NOL4L: variants seen among roughly 807,000 people sequenced by gnomAD.
NOL4L encodes nucleolar protein 4-like.
A neutral mutation model predicts 64.5 loss-of-function variants in NOL4L; 7 were observed. That is an observed-to-expected ratio of 0.11 (90% CI 0.06 to 0.20). NOL4L has a LOEUF of 0.20. Ranked by LOEUF, NOL4L falls within the 10% of genes least tolerant of loss-of-function variation. The pLI is 1.00. For missense variants in NOL4L, 680 were observed against 967.1 expected, an observed-to-expected ratio of 0.70 and a Z score of 3.94; for synonymous variants, 413 against 401.0, an observed-to-expected ratio of 1.03 and a Z score of -0.36.
At position 32,453,576 on chromosome 20, in the gene NOL4L, G is replaced by A. The variant is rs202195209; in HGVS notation, c.1305C>T (p.Asn435=). ...GMDPERLKAF[N]MFVRLFVDEN... ...CCACCTGTTTCCGGCCGGTGCTCAC[G>A]TTGAAGGCCTTAAGACGCTCAGGGT... The change falls in exon 7 of 11, where the codon AAC becomes AAT. Residue 435 remains asparagine (N), a splice_region_variant and synonymous_variant. Coordinates refer to ENST00000621426, the MANE Select transcript of NOL4L (RefSeq NM_001256798.2). This position sits in a 1 kb window ranked among gnomAD's most constrained non-coding sequence, Gnocchi z 5.6. 2.2e-5 allele frequency: 36 copies of A among 1,613,958 alleles called. No individual in the cohort carries two copies. In the Admixed American group the frequency reaches 2.8e-4, roughly 13 times the overall value.
chr20:32,565,394 C>T (rs1402177921), intron 1 of NOL4L, among the ~76,000 whole-genome samples: 1 of 152,234 alleles, frequency 6.6e-6, no homozygotes, highest in Non-Finnish European at 1.5e-5. Context: ...CCTTACAAAA[C>T]CTGGTCGGGG....
Position 32,453,819 on chromosome 20 carries a change from G to T in NOL4L, c.1120-58C>A, listed in dbSNP as rs1432389413. 16 of 1,509,060 alleles carry T rather than the reference G, an allele frequency of 1.1e-5. No homozygotes were observed. In the South Asian group the frequency reaches 1.8e-4, roughly 17 times the overall value. The allele number at this position is 1,509,060 out of a possible 1,614,324, so 93.5% of individuals were successfully genotyped here. ...CAAGCAGCTGCTCAAGCCCTTGCTG[G>T]GTCTCCTACAGGCGGTGAGCTTGGG... On this transcript the variant is annotated intron_variant, in intron 6 of 10. Coordinates refer to ENST00000621426, the MANE Select transcript of NOL4L (RefSeq NM_001256798.2). This position sits in a 1 kb window ranked among gnomAD's most constrained non-coding sequence, Gnocchi z 5.6.
Position 32,487,035 on chromosome 20 carries a change from G to A in NOL4L, c.700-12293C>T, listed in dbSNP as rs371615846. 4.4e-4 allele frequency among the ~76,000 whole-genome samples: 67 copies of A among 152,256 alleles called. No homozygotes were observed. The East Asian group carries it at 0.01, about 24-fold the overall frequency. On this transcript the variant is annotated intron_variant, in intron 4 of 10. Transcript: ENST00000621426. ...TGTAATCCCAGCACTTTGGGAGGCC[G>A]AGGCGGGTGGATCACCTGAGGTCAG...
chr20:32,523,275 A>AGCCCT (rs972807906), intron 2 of NOL4L, among the ~76,000 whole-genome samples: 4 of 152,150 alleles, frequency 2.6e-5, no homozygotes, highest in African/African-American at 9.7e-5. Context: ...CAGGGAGGGA[A>AGCCCT]GCCCTGCCCC....
chr20:32,521,438 C>T (rs1568683390), intron 2 of NOL4L, among the ~76,000 whole-genome samples: 1 of 152,160 alleles, frequency 6.6e-6, no homozygotes, highest in Non-Finnish European at 1.5e-5. Flanking sequence ...AGGCATCAGA[C>T]TTTTCAAACT....
intron 1 of NOL4L, among the ~76,000 whole-genome samples, chr20:32,528,456 C>T (rs1035974999): frequency 1.1e-4 from 16 of 152,180 alleles, no homozygotes; most frequent in Admixed American, 4.6e-4. Context: ...GCGCCAGCAA[C>T]GGCACCCGGG....
intron 4 of NOL4L, among the ~76,000 whole-genome samples, chr20:32,499,879 C>T (rs1170951970): frequency 6.6e-6 from 1 of 150,588 alleles, no homozygotes; most frequent in Admixed American, 6.6e-5. Context: ...AAAGTTTTCA[C>T]ACTTAAAACA....
intron 4 of NOL4L, among the ~76,000 whole-genome samples, chr20:32,485,085 A>AAAAAAAAAAAAAAAAAAC (rs1568643237): frequency 2.8e-5 from 4 of 144,412 alleles, no homozygotes; most frequent in South Asian, 2.2e-4. Context: ...AAAAAAAAAA[A>AAAAAAAAAAAAAAAAAAC]AACAACTAAA....
At chr20:32,550,547 A>G (rs1219189082) in intron 1 of NOL4L, among the ~76,000 whole-genome samples, 1 of 152,134 alleles carries the variant, frequency 6.6e-6, no homozygotes, top group African/African-American at 2.4e-5. Context: ...GGAGTTCAAG[A>G]CCAGCCTGGT....
chr20:32,557,260 C>T (rs553489474), intron 1 of NOL4L, among the ~76,000 whole-genome samples: 51 of 152,352 alleles, frequency 3.3e-4, no homozygotes, highest in African/African-American at 1.2e-3. Flanking sequence ...GTCCCATTGC[C>T]CCTGGAGTCC....
chr20:32,509,957 C>A (rs1431790827), intron 4 of NOL4L: 2 of 1,303,804 alleles, frequency 1.5e-6, no homozygotes, highest in South Asian at 1.2e-5. Flanking sequence ...GAAAGAAAGG[C>A]CACAGATTGC....
intron 5 of NOL4L, among the ~76,000 whole-genome samples, chr20:32,462,480 C>T (rs1221629707): frequency 6.6e-6 from 1 of 152,176 alleles, no homozygotes; most frequent in Non-Finnish European, 1.5e-5. Flanking sequence ...GGCTGCAACC[C>T]TCACACCCAC....
chr20:32,573,342 C>G (rs1383767171), intron 1 of NOL4L, among the ~76,000 whole-genome samples: 1 of 152,130 alleles, frequency 6.6e-6, no homozygotes, highest in Non-Finnish European at 1.5e-5. Context: ...GATGAGAAAA[C>G]TGTGGCTCAG....
chr20:32,525,756 AT>A (rs1484678235), intron 2 of NOL4L, among the ~76,000 whole-genome samples: 1 of 151,686 alleles, frequency 6.6e-6, no homozygotes, highest in East Asian at 1.9e-4. Context: ...TTTTTAATAT[AT>A]TTTTTATTTT....
intron 1 of NOL4L, among the ~76,000 whole-genome samples, chr20:32,549,768 A>G (rs2018775320): frequency 6.6e-6 from 1 of 152,184 alleles, no homozygotes; most frequent in South Asian, 2.1e-4. Context: ...AAATAAATAA[A>G]TAAATAACAA....
chr20:32,494,252 G>GAAAAAAAAAAAAA (rs1568654908), intron 4 of NOL4L, among the ~76,000 whole-genome samples: 10 of 27,098 alleles, frequency 3.7e-4, no homozygotes, highest in African/African-American at 1.5e-3. Context: ...GATAATCTCG[G>GAAAAAAAAAAAAA]GAAAAAAAAA....
chr20:32,521,301 G>C (rs1341596456), intron 2 of NOL4L, among the ~76,000 whole-genome samples: 26 of 152,172 alleles, frequency 1.7e-4, no homozygotes, highest in Admixed American at 1.7e-3. Context: ...GAGATGGATA[G>C]ACTGAGACCC....
intron 1 of NOL4L, among the ~76,000 whole-genome samples, chr20:32,561,441 A>G (rs1185041674): frequency 6.6e-6 from 1 of 152,306 alleles, no homozygotes; most frequent in East Asian, 1.9e-4. Flanking sequence ...GGCGCAATAC[A>G]AGAAGCATCA....
intron 1 of NOL4L, among the ~76,000 whole-genome samples, chr20:32,565,466 G>A (rs557290598): frequency 1.4e-4 from 22 of 152,252 alleles, no homozygotes; most frequent in Middle Eastern, 3.4e-3. Context: ...GCATGCATGG[G>A]GCTGCTTATG....
Sources: gnomAD v4.1 joint callset for allele counts (sites outside exome capture counted in the v4.1 genomes callset) on GRCh38, gnomAD v4.1.1 for gene constraint, Gnocchi (gnomAD v3.1) non-coding constraint, MANE v1.5 for transcripts, NCBI Gene and HGNC (gene_info 2026-07-23, HGNC 2026-07-21) for gene names.